GALNT5: variants seen among roughly 807,000 people sequenced by gnomAD.
The protein encoded by GALNT5 is UDP-GalNAc:polypeptide N-acetylgalactosaminyltransferase 5.
In GALNT5, 72 loss-of-function variants were observed where a neutral mutation model predicts 85.4. The observed-to-expected ratio is 0.84, with a 90% CI of 0.70 to 1.03. The LOEUF is 1.03. GALNT5 is among the 50% of genes least tolerant of loss of function. The probability of loss-of-function intolerance (pLI) is 0.00; values close to 1 mark genes in which losing one functional copy is unlikely to be tolerated. For missense variants in GALNT5, 1,137 were observed against 1,135.5 expected, an observed-to-expected ratio of 1.00 and a Z score of -0.02; for synonymous variants, 404 against 397.0, an observed-to-expected ratio of 1.02 and a Z score of -0.21.
intron 3 of GALNT5, among the ~76,000 whole-genome samples, chr2:157,290,296 A>G (rs1683072908): frequency 6.6e-6 from 1 of 152,100 alleles, no homozygotes; most frequent in Non-Finnish European, 1.5e-5. Context: ...GAGCAGCATT[A>G]GTGGAGCTTG....
At chr2:157,279,155 A>G (rs1308680331) in intron 1 of GALNT5, among the ~76,000 whole-genome samples, 1 of 152,184 alleles carries the variant, frequency 6.6e-6, no homozygotes. Context: ...GAGGCTGCAG[A>G]ACAGCAAATA....
rs548126624 is a variant in GALNT5 at position 157,316,416 on chromosome 2, T to C, written c.*5068T>C. Among the ~76,000 whole-genome samples, 14 of 152,124 alleles carry C rather than the reference T, an allele frequency of 9.2e-5. No individual in the cohort carries two copies. The highest frequency in any genetic ancestry group is 3.1e-4 in the African/African-American group (13 of 41,500). On this transcript the variant is annotated 3_prime_UTR_variant, in exon 10 of 10. Transcript: ENST00000259056. Reference sequence around the variant, plus strand: ...ACTCCTGTATTAATATTACCAACCCTTGATCCCTCCAACCTTTAATCAAAG... The same window carrying C: ...ACTCCTGTATTAATATTACCAACCCCTGATCCCTCCAACCTTTAATCAAAG...
chr2:157,266,483 T>G (rs1281899498), intron 1 of GALNT5, among the ~76,000 whole-genome samples: 2 of 152,172 alleles, frequency 1.3e-5, no homozygotes, highest in East Asian at 3.9e-4. Flanking sequence ...GGGGAATCCC[T>G]CCATTGCTCA....
At chr2:157,298,603 C>T (rs978239368) in intron 5 of GALNT5, among the ~76,000 whole-genome samples, 2 of 152,218 alleles carry the variant, frequency 1.3e-5, no homozygotes, top group African/African-American at 4.8e-5. Flanking sequence ...TTTGCTCCGG[C>T]CCACTCCCAC....
intron 7 of GALNT5, 67 bp downstream of exon 7, chr2:157,301,066 G>A (rs973389823): frequency 2.6e-6 from 3 of 1,145,530 alleles, no homozygotes; most frequent in Non-Finnish European, 2.5e-6. Context: ...TTTCAAAAAT[G>A]TGTGGAAAGA....
intron 1 of GALNT5, among the ~76,000 whole-genome samples, chr2:157,264,186 C>T: frequency 6.6e-6 from 1 of 151,894 alleles, no homozygotes; most frequent in East Asian, 1.9e-4. Flanking sequence ...CACACACACA[C>T]ACACACACAC....
At position 157,290,460 on chromosome 2, in the gene GALNT5, G is replaced by C. The variant is rs1452307258; in HGVS notation, c.1741+4326G>C. Among the ~76,000 whole-genome samples, 2 of 152,108 alleles carry C rather than the reference G, an allele frequency of 1.3e-5. 1 individual carries two copies. The highest frequency in any genetic ancestry group is 4.1e-4 in the South Asian group (2 of 4,830). On this transcript the variant is annotated intron_variant, in intron 3 of 9. Transcript: ENST00000259056. ...AGAATGTAATTCAGAGACTGGCATT[G>C]AGCAGAGATGGCAGGCGTGGTGGGT...
chr2:157,291,798 C>T (rs1365602920), intron 3 of GALNT5, among the ~76,000 whole-genome samples: 1 of 152,072 alleles, frequency 6.6e-6, no homozygotes. Context: ...TCTCTCCTAC[C>T]CTTTCCAAAT....
rs1288089376 is a variant in GALNT5, at chr2:157,317,198, A to ATTTTTT, written c.*5856_*5861dup. ...TGTATATATATATATATATATATAT[A>ATTTTTT]TTTTTTTTTTTGATGCTTTGATCTG... is the stretch of plus-strand genomic sequence containing the variant. On this transcript the variant is annotated 3_prime_UTR_variant, in exon 10 of 10. Transcript: ENST00000259056. 6.0e-5 allele frequency among the ~76,000 whole-genome samples: 8 copies of ATTTTTT among 132,982 alleles called. No individual in the cohort carries two copies. Among genetic ancestry groups the ATTTTTT allele is most frequent in the Middle Eastern group, 3.9e-3 (1 of 254 alleles). The allele number at this position is 132,982 out of a possible 152,430, so 87.2% of individuals were successfully genotyped here.
chr2:157,302,491 A>G (rs1683364437), intron 7 of GALNT5: 1 of 152,190 alleles, frequency 6.6e-6, no homozygotes, highest in African/African-American at 2.4e-5. Context: ...AACTTATCAG[A>G]CATTTTGGAT....
chr2:157,303,825 A>T (rs1683398478), intron 7 of GALNT5, among the ~76,000 whole-genome samples: 1 of 152,236 alleles, frequency 6.6e-6, no homozygotes, highest in African/African-American at 2.4e-5. Flanking sequence ...TATACAAAAT[A>T]GACACAAATA....
Position 157,258,685 on chromosome 2 carries a change from T to C in GALNT5, c.603T>C (p.His201=), listed in dbSNP as rs1682259200. The C allele has an allele frequency of 2.5e-6, 4 of 1,613,804 alleles. No individual in the cohort carries two copies. Among genetic ancestry groups the C allele is most frequent in the Admixed American group, 1.7e-5 (1 of 59,988 alleles). The part of the protein sequence containing the change: ...VSLKQEPRKS[H]SPSSDTSKLA... ...TAAAACAGGAGCCCCGGAAGAGTCA[T>C]AGTCCCAGCAGTGACACATCAAAAC... The change falls in exon 1 of 10, where the codon CAT becomes CAC. Residue 201 remains histidine (H), a synonymous_variant. Coordinates refer to ENST00000259056, the MANE Select transcript of GALNT5 (RefSeq NM_014568.3).
At chr2:157,296,339 A>T in intron 4 of GALNT5, 55 bp from the exon 5 acceptor site, 1 of 1,415,652 alleles carries the variant, frequency 7.1e-7, no homozygotes, top group South Asian at 1.2e-5. Flanking sequence ...TCGATAAAGT[A>T]TATAAAGATG....
At position 157,312,396 on chromosome 2, in the gene GALNT5, A is replaced by C. The variant is rs943289127; in HGVS notation, c.*1048A>C. 2 of 152,118 alleles carry C rather than the reference A, an allele frequency of 1.3e-5. No individual in the cohort carries two copies. Among genetic ancestry groups the C allele is most frequent in the African/African-American group, 4.8e-5 (2 of 41,440 alleles). 9.4% of individuals were successfully genotyped at this position (152,118 alleles called of 1,614,324 possible). A position where few individuals can be genotyped will look rare whatever the true frequency, so the allele number is the denominator to read the frequency against. ...ATGAAAGGGGAAAGGAATGAGGTAA[A>C]CAAGTCTTAGGAAGAGAGTTAAGAA... On this transcript the variant is annotated 3_prime_UTR_variant, in exon 10 of 10. Transcript: ENST00000259056.
At chr2:157,278,007 G>T (rs1026368512) in intron 1 of GALNT5, among the ~76,000 whole-genome samples, 5 of 152,168 alleles carry the variant, frequency 3.3e-5, no homozygotes, top group Non-Finnish European at 7.3e-5. Flanking sequence ...GCTCTTGTAA[G>T]GCAGGCCTGG....
rs1682220702 is a variant in GALNT5 at position 157,257,881 on chromosome 2, A to G, written c.-202A>G. 3 of 607,132 alleles carry G rather than the reference A, an allele frequency of 4.9e-6. No individual in the cohort carries two copies. The Admixed American group carries it at 8.6e-5, about 17-fold the overall frequency. The allele number at this position is 607,132 out of a possible 1,614,324, so 37.6% of individuals were successfully genotyped here. ...GCCAAGCAGGCACAGATGCTCTGCTATGAAATGCCACGCAGGCAGAGACTG... is the reference window on the plus strand; with the variant it reads ...GCCAAGCAGGCACAGATGCTCTGCTGTGAAATGCCACGCAGGCAGAGACTG... On this transcript the variant is annotated 5_prime_UTR_variant, in exon 1 of 10. The change abolishes an upstream ATG in the 5' untranslated region. Coordinates refer to ENST00000259056, the MANE Select transcript of GALNT5 (RefSeq NM_014568.3).
At chr2:157,281,392 C>T (rs1682851110) in intron 1 of GALNT5, among the ~76,000 whole-genome samples, 1 of 152,140 alleles carries the variant, frequency 6.6e-6, no homozygotes. Context: ...TGGCCTAATA[C>T]ACCAAGGAAT....
At chr2:157,285,571 G>A (rs183478328) in intron 2 of GALNT5, among the ~76,000 whole-genome samples, 1 of 152,278 alleles carries the variant, frequency 6.6e-6, no homozygotes, top group Admixed American at 6.5e-5. Flanking sequence ...AAGGTGTAAT[G>A]GAAGGGGATG....
At chr2:157,310,059 A>G (rs1397259609) in intron 9 of GALNT5, among the ~76,000 whole-genome samples, 1 of 152,204 alleles carries the variant, frequency 6.6e-6, no homozygotes, top group Non-Finnish European at 1.5e-5. Flanking sequence ...ACTAAAACAC[A>G]TTCTTCATCT....
Sources: allele counts gnomAD v4.1 joint callset (sites outside exome capture counted in the v4.1 genomes callset), GRCh38; gene constraint gnomAD v4.1.1; transcripts MANE v1.5; gene names NCBI Gene and HGNC (gene_info 2026-07-23, HGNC 2026-07-21).